Variants in GRID2 observed in about 807,000 individuals in gnomAD.
GRID2 encodes glutamate receptor ionotropic, delta-2.
GRID2 carries 33 observed loss-of-function variants against 114.8 expected under a neutral mutation model. The observed-to-expected ratio is 0.29, with a 90% CI of 0.22 to 0.38. The LOEUF (loss-of-function observed/expected upper bound fraction) is 0.38. Ranked by LOEUF, GRID2 falls within the 10% of genes least tolerant of loss-of-function variation. The pLI is 1.00. For missense variants in GRID2, 1,184 were observed against 1,257.7 expected, an observed-to-expected ratio of 0.94 and a Z score of 0.89; for synonymous variants, 505 against 449.9, an observed-to-expected ratio of 1.12 and a Z score of -1.55.
intron 14 of GRID2, among the ~76,000 whole-genome samples, chr4:93,649,107 C>A (rs538162133): frequency 6.6e-6 from 1 of 152,238 alleles, no homozygotes; most frequent in East Asian, 1.9e-4. Flanking sequence ...ACTTGATCAA[C>A]CATGATATCA....
chr4:93,291,553 G>A (rs1366022789), intron 8 of GRID2, among the ~76,000 whole-genome samples: 2 of 152,162 alleles, frequency 1.3e-5, no homozygotes, highest in Non-Finnish European at 2.9e-5. Flanking sequence ...ACATAATTGT[G>A]TGGCAACTAA....
rs149702657 is a variant in GRID2, at chr4:93,466,032, A to G, written c.1858+10058A>G. On this transcript the variant is annotated intron_variant, in intron 11 of 15. Coordinates refer to ENST00000282020, the MANE Select transcript of GRID2 (RefSeq NM_001510.4). The stretch of plus-strand genomic sequence containing the variant: ...ATATAGTAAATTCTTTGGGGCTCAT[A>G]AAGACTTAGGTTTTGGGGGGATTAA... Among the ~76,000 whole-genome samples the G allele has an allele frequency of 3.6e-3, 553 of 152,272 alleles. 1 individual carries two copies. Among genetic ancestry groups the G allele is most frequent in the Non-Finnish European group, 6.7e-3 (454 of 68,026 alleles).
intron 2 of GRID2, among the ~76,000 whole-genome samples, chr4:92,772,654 A>C (rs1452542504): frequency 1.1e-4 from 17 of 152,176 alleles, no homozygotes; most frequent in Admixed American, 1.1e-3. Flanking sequence ...CATGCATCCT[A>C]TAAATTTGCG....
intron 4 of GRID2, among the ~76,000 whole-genome samples, chr4:93,165,896 TTTA>T (rs1481206526): frequency 6.6e-6 from 1 of 152,124 alleles, no homozygotes; most frequent in African/African-American, 2.4e-5. Context: ...GTCATTTGTA[TTTA>T]TTAATACTCA....
At chr4:93,650,302 ACTGT>A (rs1452671230) in intron 14 of GRID2, among the ~76,000 whole-genome samples, 4 of 152,156 alleles carry the variant, frequency 2.6e-5, no homozygotes, top group Non-Finnish European at 5.9e-5. Flanking sequence ...AATTAAAAGA[ACTGT>A]CTTTTTTTCT....
intron 2 of GRID2, among the ~76,000 whole-genome samples, chr4:92,699,876 T>A (rs72663530): frequency 0.17 from 26,538 of 152,146 alleles, 2,454 homozygotes; most frequent in East Asian, 0.31. Flanking sequence ...TAGATCTGAT[T>A]TACAAAAATC....
At chr4:93,272,376 G>A (rs1398790912) in intron 8 of GRID2, among the ~76,000 whole-genome samples, 1 of 152,200 alleles carries the variant, frequency 6.6e-6, no homozygotes, top group Admixed American at 6.5e-5. Flanking sequence ...CAGAGCTGCT[G>A]TATGTTATGT....
intron 14 of GRID2, among the ~76,000 whole-genome samples, chr4:93,656,935 C>G (rs1336974568): frequency 6.7e-6 from 1 of 150,142 alleles, no homozygotes; most frequent in East Asian, 2.0e-4. Flanking sequence ...TAACAGTATC[C>G]ACAATTTCAG....
At chr4:92,922,956 C>T (rs1247416141) in intron 2 of GRID2, among the ~76,000 whole-genome samples, 1 of 152,150 alleles carries the variant, frequency 6.6e-6, no homozygotes, top group Non-Finnish European at 1.5e-5. Context: ...GCTGTTTGTT[C>T]TGTGCACTTG....
chr4:92,590,375 C>T, intron 2 of GRID2, 89 bp downstream of exon 2: 1 of 896,970 alleles, frequency 1.1e-6, no homozygotes, highest in Non-Finnish European at 1.8e-6. Context: ...ACATGGACAT[C>T]ATTTTTGTAT....
At position 93,085,149 on chromosome 4, in the gene GRID2, CACCCGGAGCAACAGGA is replaced by C; in HGVS notation, c.401_416del (p.Thr134MetfsTer19). 6.2e-7 allele frequency: 1 copy of C among 1,614,118 alleles called. No individual in the cohort carries two copies. The highest frequency in any genetic ancestry group is 1.3e-5 in the African/African-American group (1 of 75,048). On this transcript the variant is annotated frameshift_variant, in exon 3 of 16. Coordinates refer to ENST00000282020, the MANE Select transcript of GRID2 (RefSeq NM_001510.4). LOFTEE classifies it high-confidence loss of function. Reference sequence around the variant, plus strand: ...GGACCCCAAGGAGTGGCTGTGGACTCACCCGGAGCAACAGGAATGATGACTACACTCTCTCAGTTCG... The same window carrying C: ...GGACCCCAAGGAGTGGCTGTGGACTCATGATGACTACACTCTCTCAGTTCG...
chr4:92,951,978 T>G (rs1243542324), intron 2 of GRID2, among the ~76,000 whole-genome samples: 1 of 152,216 alleles, frequency 6.6e-6, no homozygotes. Flanking sequence ...AAGGCTTTCC[T>G]AATATTTTTA....
At chr4:93,492,399 T>C (rs1176872042) in intron 12 of GRID2, among the ~76,000 whole-genome samples, 2 of 151,816 alleles carry the variant, frequency 1.3e-5, no homozygotes, top group African/African-American at 2.4e-5. Flanking sequence ...GACCAAATCT[T>C]AAATCTGGTT....
At chr4:93,724,954 A>AT (rs201668660) in intron 14 of GRID2, among the ~76,000 whole-genome samples, 10,166 of 151,342 alleles carry the variant, frequency 0.067, 356 homozygotes, top group Middle Eastern at 0.088. Flanking sequence ...TAATTTTTGT[A>AT]TTTTTTTTAG....
At chr4:92,793,807 C>T (rs993637098) in intron 2 of GRID2, among the ~76,000 whole-genome samples, 3 of 151,816 alleles carry the variant, frequency 2.0e-5, no homozygotes, top group African/African-American at 7.2e-5. Flanking sequence ...AAGGACAGAA[C>T]ACAAACAAAA....
intron 2 of GRID2, among the ~76,000 whole-genome samples, chr4:93,061,825 C>G (rs1477813691): frequency 6.6e-6 from 1 of 152,134 alleles, no homozygotes; most frequent in African/African-American, 2.4e-5. Context: ...AGACACTTGG[C>G]TACCACATTG....
At chr4:93,022,784 G>A (rs992225632) in intron 2 of GRID2, among the ~76,000 whole-genome samples, 1 of 150,500 alleles carries the variant, frequency 6.6e-6, no homozygotes, top group Non-Finnish European at 1.5e-5. Context: ...TTCTTATTTT[G>A]TTCAACTTTT....
intron 13 of GRID2, among the ~76,000 whole-genome samples, chr4:93,524,953 T>G (rs1365175553): frequency 6.6e-6 from 1 of 151,434 alleles, no homozygotes; most frequent in Admixed American, 6.6e-5. Context: ...CAGAGTATGT[T>G]CTTTTAAAAT....
intron 2 of GRID2, among the ~76,000 whole-genome samples, chr4:92,824,758 G>C (rs866760632): frequency 1.6e-4 from 25 of 151,908 alleles, no homozygotes; most frequent in African/African-American, 6.0e-4. Flanking sequence ...AATTTGGATT[G>C]ACTAAGAAAT....
Sources: gnomAD v4.1 joint callset for allele counts (sites outside exome capture counted in the v4.1 genomes callset) on GRCh38, gnomAD v4.1.1 for gene constraint, MANE v1.5 for transcripts, NCBI Gene and HGNC (gene_info 2026-07-23, HGNC 2026-07-21) for gene names.